FAM186B: variants seen among roughly 807,000 people sequenced by gnomAD.
FAM186B encodes the protein family with sequence similarity 186 member B, also known as protein FAM186B.
A neutral mutation model predicts 83.4 loss-of-function variants in FAM186B; 68 were observed. That is an observed-to-expected ratio of 0.81 (90% confidence interval 0.67 to 1.00). The LOEUF (loss-of-function observed/expected upper bound fraction) is 1.00, where lower values mean the gene tolerates loss of function less well. Ranked by LOEUF, FAM186B falls within the 50% of genes least tolerant of loss-of-function variation. FAM186B has a pLI of 0.00. For synonymous variants in FAM186B, 389 were observed against 422.0 expected (o/e 0.92, Z 0.96); for missense variants, 983 against 1,099.2 (o/e 0.89, Z 1.49).
At chr12:49,589,213 C>T (rs1004613390) in intron 5 of FAM186B, among the ~76,000 whole-genome samples, 2 of 152,206 alleles carry the variant, frequency 1.3e-5, no homozygotes, top group East Asian at 3.8e-4. Context: ...ATGCTGCCTC[C>T]CCTAGACTCA....
At chr12:49,620,832 C>T in the FAM186B span, among the ~76,000 whole-genome samples, 1 of 151,952 alleles carries the variant, frequency 6.6e-6, no homozygotes, top group Non-Finnish European at 1.5e-5. Flanking sequence ...TTATTTTCTC[C>T]GTAAGAATTG....
chr12:49,600,956 C>A lies in FAM186B; in HGVS notation c.684G>T (p.Gly228=), dbSNP rs761789611. The part of the protein sequence containing the change: ...ELLDSTMFSK[G]EVRAIRYMAT... ...CCATGTACCTGATGGCCCTGACCTC[C>A]CCCTTGCTGAACATGGTAGAGTCCA... Residue 228 remains glycine, a synonymous_variant, in exon 4 of 7, where the codon GGG becomes GGT. Coordinates refer to ENST00000257894, the MANE Select transcript of FAM186B (RefSeq NM_032130.3). This position sits in a 1 kb window ranked among gnomAD's most constrained non-coding sequence, Gnocchi z 4.3. 7 of 1,613,940 alleles carry A rather than the reference C, an allele frequency of 4.3e-6. No homozygotes were observed. Among genetic ancestry groups the A allele is most frequent in the Non-Finnish European group, 5.1e-6 (6 of 1,179,970 alleles).
chr12:49,598,891 G>A lies in FAM186B; in HGVS notation c.2228C>T (p.Ala743Val), dbSNP rs762203415. 43 of 1,613,704 alleles carry A rather than the reference G, an allele frequency of 2.7e-5. No homozygotes were observed. Among genetic ancestry groups the A allele is most frequent in the Non-Finnish European group, 3.6e-5 (42 of 1,179,950 alleles). ...TTCCAGGAAGATGTAGAGGTTCTGGGCCTTGTAGGAAGCCTCCGTTTCTTT... is the reference window on the plus strand; with the variant it reads ...TTCCAGGAAGATGTAGAGGTTCTGGACCTTGTAGGAAGCCTCCGTTTCTTT... ...IMKETEASYKAQNLYIFLENI... is the reference protein window; with the variant it reads ...IMKETEASYKVQNLYIFLENI... The change falls in exon 5 of 7, where the codon GCC becomes GTC. Residue 743 changes from alanine (A) to valine (V), a missense_variant. Ala to Val is a moderately conservative substitution (Grantham distance 64). Coordinates refer to ENST00000257894, the MANE Select transcript of FAM186B (RefSeq NM_032130.3).
At chr12:49,598,973 G>C in intron 4 of FAM186B, 26 bp from the exon 5 acceptor site, 6 of 1,611,198 alleles carry the variant, frequency 3.7e-6, no homozygotes, top group African/African-American at 1.3e-5. Flanking sequence ...AAGCAATTTA[G>C]GGGGTGGAGA....
rs140789587 is a variant in FAM186B, at chr12:49,588,482, G to A, written c.2506C>T (p.Arg836Trp). The A allele has an allele frequency of 1.6e-5, 26 of 1,613,048 alleles. No homozygotes were observed. Among genetic ancestry groups the A allele is most frequent in the Admixed American group, 6.7e-5 (4 of 59,884 alleles). Residue 836 changes from arginine to tryptophan, a missense_variant, in exon 6 of 7, where the codon CGG (arginine) becomes TGG (tryptophan). Physicochemically the swap from Arg to Trp is moderately radical, Grantham distance 101. Transcript: ENST00000257894. ...GCCATCTGCAGGGGCACACATGCCC[G>A]GTGCCTAGACAGAAAGGGCTGCTTG... is the stretch of plus-strand genomic sequence containing the variant. ...TYKQPFLSRH[R>W]ACVPLQMARQ...
the FAM186B span, among the ~76,000 whole-genome samples, chr12:49,616,505 G>C: frequency 6.6e-6 from 1 of 152,186 alleles, no homozygotes; most frequent in Non-Finnish European, 1.5e-5. Flanking sequence ...ACAAATTGTA[G>C]TATGTCCGTG....
chr12:49,589,432 G>T (rs1214543689), intron 5 of FAM186B, among the ~76,000 whole-genome samples: 3 of 152,208 alleles, frequency 2.0e-5, no homozygotes, highest in African/African-American at 7.2e-5. Context: ...AGCCAGTGTT[G>T]CAAATGAAGG....
At chr12:49,611,045 G>A in the FAM186B span, among the ~76,000 whole-genome samples, 1 of 151,850 alleles carries the variant, frequency 6.6e-6, no homozygotes, top group African/African-American at 2.4e-5. Context: ...TTCGAGACCA[G>A]CCTGACCAAC....
intron 5 of FAM186B, chr12:49,595,145 T>G: frequency 5.0e-6 from 2 of 400,520 alleles, no homozygotes; most frequent in East Asian, 5.7e-5. Flanking sequence ...TTATTTTGAG[T>G]TTTTGGCTAA....
intron 5 of FAM186B, chr12:49,592,975 T>C (rs1939617637): frequency 6.6e-6 from 1 of 152,168 alleles, no homozygotes. Context: ...CTCAACTGCG[T>C]TGATAATCAC....
At chr12:49,610,815 CACTT>C in the FAM186B span, among the ~76,000 whole-genome samples, 2 of 151,088 alleles carry the variant, frequency 1.3e-5, no homozygotes, top group Admixed American at 1.3e-4. Flanking sequence ...AAGAAAAACT[CACTT>C]AAAGAATTTC....
chr12:49,603,049 A>C, intron 3 of FAM186B, 136 bp downstream of exon 3: 1 of 921,008 alleles, frequency 1.1e-6, no homozygotes, highest in South Asian at 1.5e-5. Context: ...GCCCCTCACC[A>C]CTGCCCATCC....
At chr12:49,593,869 C>T (rs919890150) in intron 5 of FAM186B, among the ~76,000 whole-genome samples, 19 of 152,200 alleles carry the variant, frequency 1.2e-4, no homozygotes, top group Admixed American at 2.6e-4. Context: ...AATGTGTATG[C>T]ACCTAATTAC....
At chr12:49,582,990 A>G, downstream of FAM186B, 1 of 452,438 alleles carries the variant, frequency 2.2e-6, no homozygotes, top group South Asian at 1.6e-5. Flanking sequence ...AAGCAGGAGA[A>G]GAATGTCAGA....
intron 2 of FAM186B, 149 bp from the exon 3 acceptor site, chr12:49,603,516 CCCT>C: frequency 1.4e-6 from 1 of 711,548 alleles, no homozygotes. Flanking sequence ...TCACTTATCC[CCCT>C]GAGCCTCAGT....
the FAM186B span, among the ~76,000 whole-genome samples, chr12:49,610,712 C>T: frequency 2.0e-5 from 3 of 150,192 alleles, no homozygotes; most frequent in Admixed American, 6.7e-5. Context: ...GTGGCGTGAA[C>T]GCGGGAGGCA....
In FAM186B at chr12:49,604,788, T is replaced by C. The variant is rs1262398206; in HGVS notation, c.97-250A>G. Reference sequence around the variant, plus strand: ...TGGTAGCTTTTATTATCATTGTGATTATTAAGAAGGTCAAGAAAGTATAGA... The same window carrying C: ...TGGTAGCTTTTATTATCATTGTGATCATTAAGAAGGTCAAGAAAGTATAGA... On this transcript the variant is annotated intron_variant, in intron 1 of 6. Transcript: ENST00000257894. 1.5e-5 allele frequency: 6 copies of C among 393,022 alleles called. No homozygotes were observed. In the Middle Eastern group the frequency reaches 2.1e-3, roughly 136 times the overall value. The allele number at this position is 393,022 out of a possible 1,614,324, so 24.3% of individuals were successfully genotyped here.
rs1293612416 is a variant in FAM186B at position 49,604,682 on chromosome 12, A to G, written c.97-144T>C. 1.3e-5 allele frequency: 8 copies of G among 628,496 alleles called. No homozygotes were observed. The East Asian group carries it at 1.6e-4, about 13-fold the overall frequency. 38.9% of individuals were successfully genotyped at this position (628,496 alleles called of 1,614,324 possible). A position where few individuals can be genotyped will look rare whatever the true frequency, so the allele number is the denominator to read the frequency against. On this transcript the variant is annotated intron_variant, in intron 1 of 6. Coordinates refer to ENST00000257894, the MANE Select transcript of FAM186B (RefSeq NM_032130.3). The stretch of plus-strand genomic sequence containing the variant: ...TAAAGTGGGAATCATTATAGTACCT[A>G]TGTCACAGGGTTTCTGTAAGGATTA...
At chr12:49,597,515 T>C (rs1939756350) in intron 5 of FAM186B, among the ~76,000 whole-genome samples, 1 of 152,148 alleles carries the variant, frequency 6.6e-6, no homozygotes, top group Non-Finnish European at 1.5e-5. Flanking sequence ...CAGTAGCAAA[T>C]ACATAGGACT....
Sources: allele counts gnomAD v4.1 joint callset (sites outside exome capture counted in the v4.1 genomes callset), GRCh38; gene constraint gnomAD v4.1.1; non-coding constraint Gnocchi (gnomAD v3.1); transcripts MANE v1.5; gene names NCBI Gene and HGNC (gene_info 2026-07-23, HGNC 2026-07-21).